BICC1: variants seen among roughly 807,000 people sequenced by gnomAD.
BICC1 encodes the protein protein bicaudal C homolog 1.
BICC1 carries 43 observed loss-of-function variants against 111.0 expected under a neutral mutation model. The ratio of observed to expected loss-of-function variants is 0.39; its 90% CI spans 0.30 to 0.50. The LOEUF is 0.50. BICC1 is among the 20% of genes least tolerant of loss of function. BICC1 has a pLI of 0.88. For missense variants in BICC1, 1,091 were observed against 1,203.2 expected, an observed-to-expected ratio of 0.91 and a Z score of 1.38; for synonymous variants, 467 against 434.4, an observed-to-expected ratio of 1.07 and a Z score of -0.93.
At chr10:58,761,207 A>C (rs1225466194) in intron 3 of BICC1, among the ~76,000 whole-genome samples, 1 of 152,150 alleles carries the variant, frequency 6.6e-6, no homozygotes, top group Non-Finnish European at 1.5e-5. Flanking sequence ...GTGAAAGTAC[A>C]TGATGCTAAG....
intron 3 of BICC1, among the ~76,000 whole-genome samples, chr10:58,714,047 G>A (rs1840658925): frequency 6.6e-6 from 1 of 152,144 alleles, no homozygotes; most frequent in Non-Finnish European, 1.5e-5. Context: ...AGAGCCGAGG[G>A]CCGCTGCTAA....
At chr10:58,607,049 T>G (rs11816903) in intron 1 of BICC1, among the ~76,000 whole-genome samples, 43,808 of 152,040 alleles carry the variant, frequency 0.29, 6,640 homozygotes, top group East Asian at 0.45. Context: ...TGGCGCGGTG[T>G]CTCACGCCTG....
In BICC1 at chr10:58,685,686, C is replaced by T. The variant is rs897797775; in HGVS notation, c.238-16388C>T. Among the ~76,000 whole-genome samples the T allele has an allele frequency of 1.1e-4, 16 of 152,300 alleles. 1 individual carries two copies. The highest frequency in any genetic ancestry group is 9.8e-4 in the Admixed American group (15 of 15,298). On this transcript the variant is annotated intron_variant, in intron 2 of 20. Coordinates refer to ENST00000373886, the MANE Select transcript of BICC1 (RefSeq NM_001080512.3). ...TCTGTTTTATCATAGACTAAGATTG[C>T]AACCCCTGCTTTTTTTGTTTTCCAT...
intron 17 of BICC1, among the ~76,000 whole-genome samples, chr10:58,813,603 A>C (rs1250557829): frequency 6.6e-6 from 1 of 152,146 alleles, no homozygotes; most frequent in Non-Finnish European, 1.5e-5. Flanking sequence ...TACTCCCCAT[A>C]ATGAAAGAAA....
At chr10:58,622,662 C>T (rs1845856832) in intron 2 of BICC1, among the ~76,000 whole-genome samples, 1 of 152,184 alleles carries the variant, frequency 6.6e-6, no homozygotes. Context: ...GATTTGCATA[C>T]TCATCCAGCA....
At chr10:58,735,369 C>G (rs1460389570) in intron 3 of BICC1, among the ~76,000 whole-genome samples, 2 of 152,170 alleles carry the variant, frequency 1.3e-5, no homozygotes, top group East Asian at 3.8e-4. Flanking sequence ...ATGCTGCATG[C>G]TGTTAAAGCC....
intron 2 of BICC1, among the ~76,000 whole-genome samples, chr10:58,695,170 A>G (rs1042072828): frequency 1.3e-4 from 20 of 152,162 alleles, no homozygotes; most frequent in African/African-American, 4.8e-4. Flanking sequence ...CCTTTCTTGG[A>G]CTACAATGAA....
intron 2 of BICC1, among the ~76,000 whole-genome samples, chr10:58,623,222 G>A (rs990602468): frequency 9.2e-5 from 14 of 151,902 alleles, no homozygotes; most frequent in African/African-American, 2.4e-4. Flanking sequence ...TAAAGTTTTC[G>A]AATTAGAAAA....
intron 1 of BICC1, among the ~76,000 whole-genome samples, chr10:58,560,023 C>CT (rs936886877): frequency 2.8e-3 from 400 of 141,854 alleles, no homozygotes; most frequent in Admixed American, 0.01. Flanking sequence ...TTGCAGTATT[C>CT]TTTTTTTTTT....
chr10:58,815,466 C>A (rs1844059816), intron 18 of BICC1, among the ~76,000 whole-genome samples: 1 of 152,082 alleles, frequency 6.6e-6, no homozygotes, highest in Non-Finnish European at 1.5e-5. Flanking sequence ...GTCTCTAGCC[C>A]AAGATACATT....
At chr10:58,533,824 G>A (rs1842749161) in intron 1 of BICC1, among the ~76,000 whole-genome samples, 1 of 151,674 alleles carries the variant, frequency 6.6e-6, no homozygotes, top group South Asian at 2.1e-4. Flanking sequence ...CACTACAGAA[G>A]AATCAATGAA....
intron 1 of BICC1, among the ~76,000 whole-genome samples, chr10:58,536,825 G>A (rs1289524353): frequency 6.6e-6 from 1 of 151,572 alleles, no homozygotes; most frequent in African/African-American, 2.4e-5. Context: ...AAGAAAAGAA[G>A]AGAAAAGATT....
At chr10:58,706,329 C>T (rs969320663) in intron 3 of BICC1, among the ~76,000 whole-genome samples, 8 of 152,138 alleles carry the variant, frequency 5.3e-5, no homozygotes, top group African/African-American at 1.9e-4. Context: ...GAAGTCCTGC[C>T]AGACCTGCTT....
chr10:58,610,013 G>A (rs1396777535), intron 1 of BICC1, among the ~76,000 whole-genome samples: 1 of 152,206 alleles, frequency 6.6e-6, no homozygotes, highest in Admixed American at 6.5e-5. Context: ...CTGTTAATCA[G>A]TTGGACTGAA....
intron 1 of BICC1, among the ~76,000 whole-genome samples, chr10:58,557,505 G>C (rs993017922): frequency 2.6e-5 from 4 of 151,812 alleles, no homozygotes; most frequent in African/African-American, 9.7e-5. Flanking sequence ...TCGACTGCTT[G>C]ATGTTGTTCC....
intron 3 of BICC1, among the ~76,000 whole-genome samples, chr10:58,754,635 A>G (rs1221968395): frequency 1.6e-4 from 25 of 151,982 alleles, no homozygotes; most frequent in Non-Finnish European, 5.9e-5. Context: ...GTGTCTCATC[A>G]TTTCTGGGGT....
intron 2 of BICC1, among the ~76,000 whole-genome samples, chr10:58,628,508 A>T (rs1166154315): frequency 6.6e-6 from 1 of 152,054 alleles, no homozygotes; most frequent in Non-Finnish European, 1.5e-5. Flanking sequence ...AGATTTTTTT[A>T]CATCTCTGTG....
rs753748769 is a variant in BICC1 at position 58,607,035 on chromosome 10, G to C, written c.191-13820G>C. Among the ~76,000 whole-genome samples, 249 of 152,098 alleles carry C rather than the reference G, an allele frequency of 1.6e-3. 1 individual carries two copies. Among genetic ancestry groups the C allele is most frequent in the Non-Finnish European group, 1.8e-3 (120 of 67,996 alleles). On this transcript the variant is annotated intron_variant, in intron 1 of 20. Transcript: ENST00000373886. ...TAAATGTTTCTCTTTTAAAACTGTC[G>C]GCCTGGCGCGGTGTCTCACGCCTGT...
At chr10:58,769,031 C>A (rs1316739696) in intron 3 of BICC1, among the ~76,000 whole-genome samples, 1 of 151,852 alleles carries the variant, frequency 6.6e-6, no homozygotes, top group Non-Finnish European at 1.5e-5. Flanking sequence ...GCGAAATAAA[C>A]CAGACACAAA....
Sources: allele counts gnomAD v4.1 joint callset (sites outside exome capture counted in the v4.1 genomes callset), GRCh38; gene constraint gnomAD v4.1.1; transcripts MANE v1.5; gene names NCBI Gene and HGNC (gene_info 2026-07-23, HGNC 2026-07-21).